Variants in NOL10 observed in about 807,000 individuals in gnomAD.
NOL10 encodes nucleolar protein 10, also known as H_NH0074G24.1.
NOL10 carries 58 observed loss-of-function variants against 103.5 expected under a neutral mutation model. That is an observed-to-expected ratio of 0.56 (90% CI 0.45 to 0.70). The LOEUF (loss-of-function observed/expected upper bound fraction) is 0.70, where lower values mean the gene tolerates loss of function less well. Ranked by LOEUF, NOL10 falls within the 30% of genes least tolerant of loss-of-function variation. The probability of loss-of-function intolerance (pLI) is 0.00; values close to 1 mark genes in which losing one functional copy is unlikely to be tolerated. For missense variants in NOL10, 763 were observed against 807.3 expected (o/e 0.95, Z 0.67); for synonymous variants, 287 against 282.5 (o/e 1.02, Z -0.16).
intron 17 of NOL10, among the ~76,000 whole-genome samples, chr2:10,596,368 C>T (rs1402794215): frequency 6.6e-6 from 1 of 151,548 alleles, no homozygotes; most frequent in African/African-American, 2.4e-5. Context: ...AATAATTATA[C>T]AACTCGCCAT....
intron 17 of NOL10, among the ~76,000 whole-genome samples, chr2:10,598,758 G>T (rs1368713310): frequency 6.6e-6 from 1 of 151,706 alleles, no homozygotes; most frequent in Admixed American, 6.6e-5. Context: ...TTTAGGAGGA[G>T]AAAAAAGTAA....
intron 13 of NOL10, among the ~76,000 whole-genome samples, chr2:10,629,821 T>C (rs1447630792): frequency 2.0e-5 from 3 of 152,234 alleles, no homozygotes; most frequent in African/African-American, 7.2e-5. Flanking sequence ...ATAGCTTTAT[T>C]TTGCTCAACA....
Position 10,572,340 on chromosome 2 carries a change from G to A in NOL10, c.1948-150C>T, listed in dbSNP as rs1674222971. On this transcript the variant is annotated intron_variant, in intron 20 of 20. Transcript: ENST00000381685. The stretch of plus-strand genomic sequence containing the variant: ...CACAGGCTCCAGGGGACATGGTGGG[G>A]CTGCCTGGACTCTGCTCTGACAAAT... 4 of 828,484 alleles carry A rather than the reference G, an allele frequency of 4.8e-6. No individual in the cohort carries two copies. In the Admixed American group the frequency reaches 1.0e-4, roughly 22 times the overall value. 51.3% of individuals were successfully genotyped at this position (828,484 alleles called of 1,614,324 possible). A position where few individuals can be genotyped will look rare whatever the true frequency, so the allele number is the denominator to read the frequency against.
Position 10,593,429 on chromosome 2 carries a change from AC to A in NOL10, c.1423-3679del, listed in dbSNP as rs528191774. Among the ~76,000 whole-genome samples the A allele has an allele frequency of 2.9e-3, 435 of 152,174 alleles. 4 individuals carry two copies. Among genetic ancestry groups the A allele is most frequent in the Middle Eastern group, 6.8e-3 (2 of 294 alleles). Reference sequence around the variant, plus strand: ...TGGGATTACAGGCGTGAGCCACTGCACCCCGGCCAATCAAATTAGTTCTTTC... The same window carrying A: ...TGGGATTACAGGCGTGAGCCACTGCACCCGGCCAATCAAATTAGTTCTTTC... On this transcript the variant is annotated intron_variant, in intron 17 of 20. Transcript: ENST00000381685.
At chr2:10,651,944 T>C (rs938986165) in intron 12 of NOL10, among the ~76,000 whole-genome samples, 15 of 152,160 alleles carry the variant, frequency 9.9e-5, no homozygotes, top group South Asian at 6.2e-4. Flanking sequence ...AGTGTGCAAT[T>C]AGAAACAGCA....
At chr2:10,659,412 C>T (rs937508278) in intron 9 of NOL10, among the ~76,000 whole-genome samples, 162 bp from the exon 10 acceptor site, 22 of 149,776 alleles carry the variant, frequency 1.5e-4, no homozygotes, top group African/African-American at 5.4e-4. Flanking sequence ...TAAGATGACT[C>T]GCACCTGTAA....
At chr2:10,657,710 A>G in intron 11 of NOL10, 32 bp downstream of exon 11, 1 of 1,535,758 alleles carries the variant, frequency 6.5e-7, no homozygotes. Context: ...CTGCAAATAA[A>G]GAAGCAAGTA....
In NOL10 at chr2:10,663,013, C is replaced by T. The variant is rs1243302218; in HGVS notation, c.623G>A (p.Arg208Gln). 1.2e-5 allele frequency: 19 copies of T among 1,613,958 alleles called. No homozygotes were observed. The highest frequency in any genetic ancestry group is 3.3e-5 in the South Asian group (3 of 91,068). ...GCAGTCTAACAGGCCAACTCTGTTT[C>T]GAGTTCTTGGGTCCCAGCACTCCAC... ...GRVECWDPRT[R>Q]NRVGLLDCAL... Residue 208 changes from arginine (R) to glutamine (Q), a missense_variant, in exon 9 of 21, where the codon CGA becomes CAA. Physicochemically the swap from Arg to Gln is conservative, Grantham distance 43. Coordinates refer to ENST00000381685, the MANE Select transcript of NOL10 (RefSeq NM_024894.4).
At position 10,587,190 on chromosome 2, in the gene NOL10, T is replaced by TAC. The variant is rs373680844; in HGVS notation, c.1844+1851_1844+1852dup. Among the ~76,000 whole-genome samples the TAC allele has an allele frequency of 4.7e-3, 182 of 38,558 alleles. 47 individuals are homozygous for TAC. The highest frequency in any genetic ancestry group is 0.023 in the Middle Eastern group (3 of 128). 25.3% of individuals were successfully genotyped at this position (38,558 alleles called of 152,430 possible). A position where few individuals can be genotyped will look rare whatever the true frequency, so the allele number is the denominator to read the frequency against. On this transcript the variant is annotated intron_variant, in intron 19 of 20. Transcript: ENST00000381685. ...ATACACATATATATACACATATATA[T>TAC]ACACATATATATACACATATATATA...
intron 11 of NOL10, among the ~76,000 whole-genome samples, chr2:10,655,302 A>G (rs1679769324): frequency 1.3e-5 from 2 of 152,042 alleles, no homozygotes; most frequent in Admixed American, 1.3e-4. Flanking sequence ...AGGAAAGGAA[A>G]GGAAAGGAAA....
intron 5 of NOL10, among the ~76,000 whole-genome samples, chr2:10,672,099 G>A (rs1198191760): frequency 3.9e-5 from 6 of 151,982 alleles, no homozygotes; most frequent in African/African-American, 7.3e-5. Flanking sequence ...AGGACAAGGC[G>A]GGTGGGTCAC....
intron 6 of NOL10, among the ~76,000 whole-genome samples, chr2:10,669,384 C>T (rs1357380285): frequency 6.7e-6 from 1 of 150,226 alleles, no homozygotes; most frequent in Non-Finnish European, 1.5e-5. Flanking sequence ...CCACCATGCC[C>T]AGCCTGAATT....
At chr2:10,597,503 A>G (rs1324123333) in intron 17 of NOL10, among the ~76,000 whole-genome samples, 1 of 152,242 alleles carries the variant, frequency 6.6e-6, no homozygotes, top group African/African-American at 2.4e-5. Context: ...AGTCTTTTAA[A>G]TTATAATGAA....
At chr2:10,648,438 T>A (rs1160466081) in intron 12 of NOL10, among the ~76,000 whole-genome samples, 1 of 152,204 alleles carries the variant, frequency 6.6e-6, no homozygotes, top group Non-Finnish European at 1.5e-5. Context: ...CGGGTCTTGT[T>A]CTGCCTGCTC....
At chr2:10,647,301 A>G (rs1679153011) in intron 12 of NOL10, among the ~76,000 whole-genome samples, 1 of 152,228 alleles carries the variant, frequency 6.6e-6, no homozygotes, top group South Asian at 2.1e-4. Flanking sequence ...GACTCACTGA[A>G]GTTCACAACA....
chr2:10,586,946 G>A lies in NOL10; in HGVS notation c.1844+2097C>T, dbSNP rs573937897. On this transcript the variant is annotated intron_variant, in intron 19 of 20. Coordinates refer to ENST00000381685, the MANE Select transcript of NOL10 (RefSeq NM_024894.4). The stretch of plus-strand genomic sequence containing the variant: ...GATATTCTAGGTTCTCAGTCACCAA[G>A]AAGGTTTAAAAAAAAAATGAAGTTT... 4.8e-5 allele frequency among the ~76,000 whole-genome samples: 7 copies of A among 146,790 alleles called. No homozygotes were observed. In the South Asian group the frequency reaches 1.5e-3, roughly 31 times the overall value.
intron 13 of NOL10, among the ~76,000 whole-genome samples, chr2:10,610,333 C>A (rs184824417): frequency 6.6e-6 from 1 of 152,220 alleles, no homozygotes; most frequent in East Asian, 1.9e-4. Context: ...TATAATGTTC[C>A]ACAACATTCT....
chr2:10,640,101 TTC>T (rs1351797979), intron 13 of NOL10, among the ~76,000 whole-genome samples: 2 of 152,214 alleles, frequency 1.3e-5, no homozygotes, highest in Non-Finnish European at 2.9e-5. Context: ...GGAAAAAGTT[TTC>T]AAACCTGATT....
chr2:10,603,333 A>T (rs1242612538), intron 14 of NOL10, among the ~76,000 whole-genome samples, 176 bp from the exon 15 acceptor site: 1 of 152,256 alleles, frequency 6.6e-6, no homozygotes, highest in Non-Finnish European at 1.5e-5. Flanking sequence ...TACTTCAGCA[A>T]TATCATCCTT....
Sources: gnomAD v4.1 joint callset for allele counts (sites outside exome capture counted in the v4.1 genomes callset) on GRCh38, gnomAD v4.1.1 for gene constraint, MANE v1.5 for transcripts, NCBI Gene and HGNC (gene_info 2026-07-23, HGNC 2026-07-21) for gene names.